CRACD: variants seen among roughly 807,000 people sequenced by gnomAD.
CRACD encodes the protein capping protein-inhibiting regulator of actin dynamics.
Under a neutral mutation model 106.8 loss-of-function variants are expected in CRACD, and 56 were observed. The observed-to-expected ratio is 0.52, with a 90% CI of 0.42 to 0.66. CRACD has a LOEUF of 0.66. CRACD is among the 30% of genes least tolerant of loss of function. The pLI is 0.00. For synonymous variants in CRACD, 754 were observed against 670.8 expected (o/e 1.12, Z -1.92); for missense variants, 1,730 against 1,623.2 (o/e 1.07, Z -1.13).
At chr4:56,156,104 A>T (rs948647430) in intron 1 of CRACD, among the ~76,000 whole-genome samples, 1 of 152,142 alleles carries the variant, frequency 6.6e-6, no homozygotes, top group Non-Finnish European at 1.5e-5. Flanking sequence ...CTGGGAGTAC[A>T]TGCAGGCTAC....
chr4:56,277,835 G>A (rs1742766646), intron 3 of CRACD, among the ~76,000 whole-genome samples: 1 of 151,480 alleles, frequency 6.6e-6, no homozygotes, highest in Non-Finnish European at 1.5e-5. Flanking sequence ...TGGAGTTTTT[G>A]TATATCAATT....
chr4:56,218,847 A>G (rs1159581763), intron 2 of CRACD, among the ~76,000 whole-genome samples: 1 of 152,074 alleles, frequency 6.6e-6, no homozygotes, highest in East Asian at 1.9e-4. Flanking sequence ...AGAATCTCAC[A>G]AGAATTATTT....
intron 3 of CRACD, among the ~76,000 whole-genome samples, chr4:56,290,303 T>C (rs2109698736): frequency 6.6e-6 from 1 of 152,314 alleles, no homozygotes; most frequent in East Asian, 1.9e-4. Flanking sequence ...CCTCCTAATC[T>C]GGACTTTACC....
At chr4:56,197,823 A>G (rs1036187394) in intron 2 of CRACD, among the ~76,000 whole-genome samples, 17 of 151,904 alleles carry the variant, frequency 1.1e-4, no homozygotes, top group South Asian at 2.1e-4. Context: ...GACTATAGGC[A>G]CCCGCCATCA....
rs375080584 is a variant in CRACD at position 56,327,655 on chromosome 4, G to A, written c.3553G>A (p.Asp1185Asn). The A allele has an allele frequency of 2.7e-5, 44 of 1,612,698 alleles. No individual in the cohort carries two copies. Among genetic ancestry groups the A allele is most frequent in the African/African-American group, 9.4e-5 (7 of 74,702 alleles). The change falls in exon 11 of 11, where the codon GAC becomes AAC. Residue 1185 changes from aspartate to asparagine, a missense_variant. Coordinates refer to ENST00000682029, the MANE Select transcript of CRACD (RefSeq NM_001393381.1). ...AAAACAAAATCCAGTGGAGATCTCC[G>A]ACTCGGCTCCCCCAGCGCCGCTGGT... is the stretch of plus-strand genomic sequence containing the variant. ...LPTSVTVEIS[D>N]SAPPAPLVKE... is the part of the protein sequence containing the mutation.
chr4:56,156,439 G>T (rs1735766913), intron 1 of CRACD, among the ~76,000 whole-genome samples: 1 of 152,238 alleles, frequency 6.6e-6, no homozygotes, highest in African/African-American at 2.4e-5. Context: ...GACCAGGACA[G>T]GCTCTGGGCT....
In CRACD at chr4:56,314,936, G is replaced by T; in HGVS notation, c.1434G>T (p.Gly478=). Residue 478 remains glycine (G), a synonymous_variant, in exon 8 of 11, where the codon GGG becomes GGT. Coordinates refer to ENST00000682029, the MANE Select transcript of CRACD (RefSeq NM_001393381.1). The surrounding 1 kb of genome is among the most constrained non-coding windows in gnomAD (Gnocchi z 4.4). The stretch of plus-strand genomic sequence containing the variant: ...ATTTCCAGGGGGCCGATCGTCCTGG[G>T]CCCGAGGAAAAGAGAGAAGAAGGGG... The part of the protein sequence containing the change: ...SGDFQGADRP[G]PEEKREEGDT... The T allele has an allele frequency of 9.4e-6, 15 of 1,599,614 alleles. No individual in the cohort carries two copies. Among genetic ancestry groups the T allele is most frequent in the Non-Finnish European group, 1.3e-5 (15 of 1,174,522 alleles).
At position 56,272,703 on chromosome 4, in the gene CRACD, C is replaced by T. The variant is rs57569247; in HGVS notation, c.-17+211C>T. Among the ~76,000 whole-genome samples the T allele has an allele frequency of 1.5e-3, 231 of 151,930 alleles. 1 individual carries two copies. The highest frequency in any genetic ancestry group is 5.3e-3 in the African/African-American group (219 of 41,448). ...GTCAGGAGTTCAAGACCAGCCTAGG[C>T]GACATGGGGAAACCCCGTTTCTACT... On this transcript the variant is annotated intron_variant, in intron 3 of 10. Transcript: ENST00000682029.
At chr4:56,169,734 G>A (rs1339162727) in intron 1 of CRACD, among the ~76,000 whole-genome samples, 2 of 152,112 alleles carry the variant, frequency 1.3e-5, no homozygotes, top group Non-Finnish European at 1.5e-5. Flanking sequence ...CTGAGCTCAA[G>A]CCATTCACCT....
chr4:56,097,572 G>C (rs1733638822), intron 1 of CRACD: 1 of 152,498 alleles, frequency 6.6e-6, no homozygotes, highest in Non-Finnish European at 1.5e-5. Flanking sequence ...GGTTTGGCTA[G>C]GTTTAGTGTT....
At chr4:56,169,212 G>A (rs1736264227) in intron 1 of CRACD, among the ~76,000 whole-genome samples, 1 of 152,132 alleles carries the variant, frequency 6.6e-6, no homozygotes. Flanking sequence ...AAGGAGCCTA[G>A]GGATGAGCTG....
chr4:56,227,537 G>A (rs1179241789), intron 2 of CRACD, among the ~76,000 whole-genome samples: 1 of 152,124 alleles, frequency 6.6e-6, no homozygotes, highest in African/African-American at 2.4e-5. Flanking sequence ...CTTATAAAAG[G>A]CAGAACTAGA....
At chr4:56,119,166 G>T (rs1734397986) in intron 1 of CRACD, among the ~76,000 whole-genome samples, 1 of 152,076 alleles carries the variant, frequency 6.6e-6, no homozygotes, top group Non-Finnish European at 1.5e-5. Context: ...AAAAAACACG[G>T]CAGAGTTAGA....
intron 2 of CRACD, chr4:56,196,431 T>A (rs1737612906): frequency 1.3e-5 from 2 of 153,292 alleles, no homozygotes; most frequent in South Asian, 4.1e-4. Context: ...GTTTCAGGTA[T>A]GGTACAAAGT....
intron 2 of CRACD, among the ~76,000 whole-genome samples, chr4:56,211,387 C>A (rs941087996): frequency 6.6e-6 from 1 of 152,160 alleles, no homozygotes; most frequent in Admixed American, 6.5e-5. Context: ...CCTGCCCACT[C>A]CGCCTGCCCA....
intron 2 of CRACD, among the ~76,000 whole-genome samples, chr4:56,221,539 A>T (rs1739029640): frequency 6.6e-6 from 1 of 152,248 alleles, no homozygotes; most frequent in Non-Finnish European, 1.5e-5. Flanking sequence ...TCTGCACAGC[A>T]AAAGAAATAA....
chr4:56,192,087 C>T (rs1255450631), intron 2 of CRACD, among the ~76,000 whole-genome samples: 6 of 152,122 alleles, frequency 3.9e-5, no homozygotes, highest in African/African-American at 1.4e-4. Context: ...GATAAGTTTA[C>T]TCTTTATTCA....
chr4:56,264,458 C>A (rs1254620113), intron 2 of CRACD, among the ~76,000 whole-genome samples: 1 of 87,370 alleles, frequency 1.1e-5, no homozygotes, highest in Admixed American at 1.1e-4. Context: ...ACATATGCCA[C>A]ATATGCCATA....
intron 1 of CRACD, among the ~76,000 whole-genome samples, chr4:56,155,790 A>G (rs1056972594): frequency 6.6e-6 from 1 of 152,224 alleles, no homozygotes; most frequent in African/African-American, 2.4e-5. Context: ...CAGTTTGTGT[A>G]GGAATAGCAT....
Sources: gnomAD v4.1 joint callset for allele counts (sites outside exome capture counted in the v4.1 genomes callset) on GRCh38, gnomAD v4.1.1 for gene constraint, Gnocchi (gnomAD v3.1) non-coding constraint, MANE v1.5 for transcripts, NCBI Gene and HGNC (gene_info 2026-07-23, HGNC 2026-07-21) for gene names.